The following CNTNAP2 variants were observed in gnomAD, a reference collection of about 807,000 sequenced individuals.
CNTNAP2 encodes contactin-associated protein-like 2.
CNTNAP2 carries 98 observed loss-of-function variants against 155.2 expected under a neutral mutation model. That is an observed-to-expected ratio of 0.63 (90% CI 0.54 to 0.75). CNTNAP2 has a LOEUF of 0.75. Among genes scored for constraint, CNTNAP2 ranks in the 30% least tolerant of loss-of-function variants. The pLI is 0.00. For synonymous variants in CNTNAP2, 651 were observed against 631.2 expected (o/e 1.03, Z -0.47); for missense variants, 1,727 against 1,688.1 (o/e 1.02, Z -0.40).
intron 21 of CNTNAP2, among the ~76,000 whole-genome samples, chr7:148,300,301 C>T (rs1367550672): frequency 6.6e-6 from 1 of 152,132 alleles, no homozygotes; most frequent in African/African-American, 2.4e-5. Flanking sequence ...CATATTTCCT[C>T]CTCTCTGGAA....
In CNTNAP2 at chr7:147,802,673, G is replaced by C. The variant is rs563997386; in HGVS notation, c.2099-100892G>C. 2.3e-3 allele frequency among the ~76,000 whole-genome samples: 353 copies of C among 151,976 alleles called. 1 individual carries two copies. Among genetic ancestry groups the C allele is most frequent in the African/African-American group, 8.1e-3 (337 of 41,432 alleles). On this transcript the variant is annotated intron_variant, in intron 13 of 23. Transcript: ENST00000361727. ...CACCTGCAATCGCAGGCACTCGGCA[G>C]GCTGAGGCAGGAGAATCAGGCAGGG... is the stretch of plus-strand genomic sequence containing the variant.
chr7:146,873,631 G>A (rs773222583), intron 3 of CNTNAP2, among the ~76,000 whole-genome samples: 3 of 151,998 alleles, frequency 2.0e-5, no homozygotes, highest in Admixed American at 6.6e-5. Context: ...ATGAGGAATG[G>A]GGTGTATGAG....
intron 1 of CNTNAP2, among the ~76,000 whole-genome samples, chr7:146,698,754 G>A (rs988758060): frequency 5.3e-5 from 8 of 151,528 alleles, no homozygotes; most frequent in Non-Finnish European, 1.0e-4. Context: ...TATTATTTGC[G>A]TTATGCACAT....
chr7:148,137,171 C>T (rs1034905547), intron 16 of CNTNAP2, among the ~76,000 whole-genome samples: 3 of 152,158 alleles, frequency 2.0e-5, no homozygotes, highest in African/African-American at 7.2e-5. Context: ...TTCTGAGATT[C>T]TATATTTTTA....
intron 21 of CNTNAP2, among the ~76,000 whole-genome samples, chr7:148,365,679 TG>T (rs908020757): frequency 5.5e-5 from 7 of 127,224 alleles, no homozygotes; most frequent in Non-Finnish European, 5.4e-5. Context: ...ATACTTGAGA[TG>T]TATATATATG....
At chr7:147,505,422 GCGA>G (rs1798889511) in intron 11 of CNTNAP2, among the ~76,000 whole-genome samples, 1 of 152,016 alleles carries the variant, frequency 6.6e-6, no homozygotes, top group African/African-American at 2.4e-5. Context: ...ATATCCAGCA[GCGA>G]CATGCAAAAA....
At chr7:146,614,025 A>C (rs1055150890) in intron 1 of CNTNAP2, among the ~76,000 whole-genome samples, 10 of 152,178 alleles carry the variant, frequency 6.6e-5, no homozygotes, top group Non-Finnish European at 1.3e-4. Flanking sequence ...ATCATCAAGG[A>C]ATACTACTTA....
intron 8 of CNTNAP2, among the ~76,000 whole-genome samples, chr7:147,278,345 A>C (rs1804950782): frequency 1.3e-5 from 2 of 151,806 alleles, no homozygotes; most frequent in African/African-American, 4.8e-5. Context: ...ACTTCTCTAC[A>C]TATGTCTTCC....
At position 148,318,216 on chromosome 7, in the gene CNTNAP2, C is replaced by G. The variant is rs556056743; in HGVS notation, c.3475+51090C>G. Among the ~76,000 whole-genome samples the G allele has an allele frequency of 8.5e-5, 13 of 152,268 alleles. No individual in the cohort carries two copies. In the South Asian group the frequency reaches 2.3e-3, roughly 27 times the overall value. ...GGCCCATCAGTTACTGTGAAAGATA[C>G]CTGAGCTAGTTGGCTCACAATCCAC... is the stretch of plus-strand genomic sequence containing the variant. On this transcript the variant is annotated intron_variant, in intron 21 of 23. Coordinates refer to ENST00000361727, the MANE Select transcript of CNTNAP2 (RefSeq NM_014141.6).
chr7:147,659,401 C>T (rs563692230), intron 13 of CNTNAP2, among the ~76,000 whole-genome samples: 188 of 152,328 alleles, frequency 1.2e-3, no homozygotes, highest in African/African-American at 4.3e-3. Context: ...TATAGAAACA[C>T]ATGCTCAGCA....
chr7:146,276,206 T>C (rs1034967376), intron 1 of CNTNAP2, among the ~76,000 whole-genome samples: 3 of 152,170 alleles, frequency 2.0e-5, no homozygotes, highest in African/African-American at 7.2e-5. Context: ...GGAAAACCTA[T>C]ACAAAAAGCC....
intron 1 of CNTNAP2, among the ~76,000 whole-genome samples, chr7:146,483,098 A>C (rs1176150246): frequency 1.3e-5 from 2 of 150,696 alleles, no homozygotes; most frequent in Non-Finnish European, 3.0e-5. Context: ...AACACGGTGA[A>C]ACCCCGTCTC....
intron 14 of CNTNAP2, among the ~76,000 whole-genome samples, chr7:147,922,594 A>G (rs944639143): frequency 6.6e-6 from 1 of 152,186 alleles, no homozygotes; most frequent in Non-Finnish European, 1.5e-5. Flanking sequence ...CACTAGGTCC[A>G]TCTTGCCATT....
intron 2 of CNTNAP2, among the ~76,000 whole-genome samples, chr7:146,776,857 C>T (rs1474964950): frequency 6.6e-6 from 1 of 152,096 alleles, no homozygotes; most frequent in African/African-American, 2.4e-5. Context: ...AGTCAGGTAT[C>T]TGATATTAAG....
chr7:147,264,328 G>A (rs1054686324), intron 8 of CNTNAP2, among the ~76,000 whole-genome samples: 1 of 151,970 alleles, frequency 6.6e-6, no homozygotes, highest in Admixed American at 6.6e-5. Flanking sequence ...ATTTATTGTG[G>A]GAAGTATTTT....
At chr7:147,509,314 A>G (rs1798973385) in intron 11 of CNTNAP2, among the ~76,000 whole-genome samples, 1 of 152,182 alleles carries the variant, frequency 6.6e-6, no homozygotes, top group Non-Finnish European at 1.5e-5. Context: ...TTTTGATGTC[A>G]AAAAATATCT....
At chr7:147,144,754 A>G (rs1419847933) in intron 8 of CNTNAP2, among the ~76,000 whole-genome samples, 2 of 152,220 alleles carry the variant, frequency 1.3e-5, no homozygotes, top group African/African-American at 2.4e-5. Context: ...GTAATACACA[A>G]TAAGTTTATT....
chr7:147,768,146 A>C (rs981692471), intron 13 of CNTNAP2, among the ~76,000 whole-genome samples: 3 of 152,128 alleles, frequency 2.0e-5, no homozygotes, highest in African/African-American at 7.2e-5. Context: ...TTTTTTATCT[A>C]ATGTCTCATC....
intron 15 of CNTNAP2, among the ~76,000 whole-genome samples, chr7:148,086,403 A>G (rs983182691): frequency 6.6e-6 from 1 of 152,186 alleles, no homozygotes; most frequent in Admixed American, 6.5e-5. Context: ...AACAAATTAA[A>G]TTTTCCAAAC....
Sources: gnomAD v4.1 joint callset for allele counts (sites outside exome capture counted in the v4.1 genomes callset) on GRCh38, gnomAD v4.1.1 for gene constraint, MANE v1.5 for transcripts, NCBI Gene and HGNC (gene_info 2026-07-23, HGNC 2026-07-21) for gene names.